Variants in AK9 observed in about 807,000 individuals in gnomAD.
AK9 encodes the protein adenylate kinase domain containing 1.
Under a neutral mutation model 239.6 loss-of-function variants are expected in AK9, and 191 were observed. The ratio of observed to expected loss-of-function variants is 0.80; its 90% CI spans 0.71 to 0.90. AK9 has a LOEUF of 0.90. Ranked by LOEUF, AK9 falls within the 40% of genes least tolerant of loss-of-function variation. The pLI, the probability that AK9 is intolerant of heterozygous loss-of-function variation, is 0.00. For synonymous variants in AK9, 689 were observed against 721.0 expected, an observed-to-expected ratio of 0.96 and a Z score of 0.71; for missense variants, 1,995 against 2,214.7, an observed-to-expected ratio of 0.90 and a Z score of 1.99.
At chr6:109,499,569 T>C (rs1402811275) in intron 35 of AK9, among the ~76,000 whole-genome samples, 1 of 152,192 alleles carries the variant, frequency 6.6e-6, no homozygotes, top group East Asian at 1.9e-4. Context: ...GTTATGGTCT[T>C]TGACCTCTTT....
At chr6:109,612,199 C>A in intron 15 of AK9, 106 bp from the exon 16 acceptor site, 3 of 638,208 alleles carry the variant, frequency 4.7e-6, no homozygotes, top group South Asian at 2.3e-5. Flanking sequence ...ACTCACATTC[C>A]CAATTTTTAA....
At chr6:109,648,689 T>C (rs1205042190) in intron 8 of AK9, among the ~76,000 whole-genome samples, 1 of 152,238 alleles carries the variant, frequency 6.6e-6, no homozygotes, top group Non-Finnish European at 1.5e-5. Flanking sequence ...CCATTCCTTC[T>C]GAAACTATTC....
At chr6:109,522,886 T>C (rs1269317935) in intron 29 of AK9, among the ~76,000 whole-genome samples, 3 of 152,160 alleles carry the variant, frequency 2.0e-5, no homozygotes, top group Non-Finnish European at 4.4e-5. Context: ...GATGAGAAGA[T>C]GCAGGAAGCC....
chr6:109,534,029 C>T (rs1465292064), intron 27 of AK9, among the ~76,000 whole-genome samples: 1 of 151,962 alleles, frequency 6.6e-6, no homozygotes, highest in East Asian at 1.9e-4. Flanking sequence ...TTTCATGAGA[C>T]AACTCATACC....
At chr6:109,642,701 A>G (rs1471958140) in intron 9 of AK9, among the ~76,000 whole-genome samples, 1 of 151,746 alleles carries the variant, frequency 6.6e-6, no homozygotes, top group African/African-American at 2.4e-5. Flanking sequence ...GGGATGTGAG[A>G]AAAAAAAAGT....
At chr6:109,640,491 C>T (rs759306239) in intron 10 of AK9, among the ~76,000 whole-genome samples, 14 of 152,252 alleles carry the variant, frequency 9.2e-5, no homozygotes, top group Non-Finnish European at 1.8e-4. Flanking sequence ...GTTGGAAATG[C>T]AGAAATCACC....
At position 109,585,941 on chromosome 6, in the gene AK9, G is replaced by T; in HGVS notation, c.1974C>A (p.Ile658=). ...CATTGTTTTCTGTATCTGATAAATA[G>T]ATGACCAAATCAGGTATAATTCCTT... The part of the protein sequence containing the change: ...IKKGIIPDLV[I]YLSDTENNGK... The change falls in exon 18 of 41, where the codon ATC becomes ATA. Residue 658 remains isoleucine, a synonymous_variant. Transcript: ENST00000424296. The T allele has an allele frequency of 6.5e-7, 1 of 1,546,520 alleles. No homozygotes were observed. The highest frequency in any genetic ancestry group is 8.7e-7 in the Non-Finnish European group (1 of 1,145,014).
chr6:109,494,198 G>T, intron 39 of AK9, 103 bp from the exon 40 acceptor site: 1 of 733,378 alleles, frequency 1.4e-6, no homozygotes, highest in Non-Finnish European at 2.3e-6. Flanking sequence ...GCCTCAAATA[G>T]CCCCCTGGAG....
rs865925851 is a variant in AK9, at chr6:109,547,865, A to C, written c.2965-1738T>G. Among the ~76,000 whole-genome samples the C allele has an allele frequency of 3.9e-4, 57 of 147,404 alleles. 1 individual carries two copies. The highest frequency in any genetic ancestry group is 6.9e-4 in the Non-Finnish European group (46 of 66,788). On this transcript the variant is annotated intron_variant, in intron 25 of 40. Transcript: ENST00000424296. ...CAGTAGCAAAAAAAAAAAAAAAAAAACCCAAATATTCTGATTTAACAATGG... is the reference window on the plus strand; with the variant it reads ...CAGTAGCAAAAAAAAAAAAAAAAAACCCCAAATATTCTGATTTAACAATGG...
chr6:109,602,968 T>C (rs1030060751), intron 17 of AK9, among the ~76,000 whole-genome samples: 1 of 152,212 alleles, frequency 6.6e-6, no homozygotes, highest in Non-Finnish European at 1.5e-5. Context: ...TAGTTAGCCA[T>C]TCGTCTAATC....
intron 1 of AK9, among the ~76,000 whole-genome samples, chr6:109,681,651 C>T (rs548172029): frequency 9.1e-4 from 139 of 152,298 alleles, no homozygotes; most frequent in African/African-American, 3.2e-3. Flanking sequence ...ACATTCTTCT[C>T]AGCACCTCAC....
At chr6:109,494,976 G>A (rs141441249) in intron 39 of AK9, among the ~76,000 whole-genome samples, 178 of 152,310 alleles carry the variant, frequency 1.2e-3, no homozygotes, top group African/African-American at 4.1e-3. Context: ...CTTTTGGGTA[G>A]TCAGTGAATG....
chr6:109,637,499 G>A (rs1796868936), intron 10 of AK9, among the ~76,000 whole-genome samples: 2 of 151,980 alleles, frequency 1.3e-5, no homozygotes, highest in African/African-American at 4.8e-5. Flanking sequence ...CACCATGCCC[G>A]GCTTCTACTG....
chr6:109,686,261 A>G (rs892868191), intron 1 of AK9, among the ~76,000 whole-genome samples: 2 of 152,350 alleles, frequency 1.3e-5, no homozygotes, highest in African/African-American at 4.8e-5. Flanking sequence ...ATGAGCAGTA[A>G]GTATAAAGTG....
chr6:109,579,441 G>T (rs1788536509), intron 20 of AK9, 109 bp downstream of exon 20: 1 of 1,068,498 alleles, frequency 9.4e-7, no homozygotes, highest in African/African-American at 1.6e-5. Flanking sequence ...GGGCTCTCAT[G>T]GACAAATTGG....
At chr6:109,675,065 C>T (rs1290573662) in intron 2 of AK9, among the ~76,000 whole-genome samples, 2 of 152,182 alleles carry the variant, frequency 1.3e-5, no homozygotes, top group East Asian at 3.8e-4. Flanking sequence ...GTAGGTAAAG[C>T]CTGAGGCATG....
chr6:109,659,147 C>T (rs1036563546), intron 7 of AK9, 81 bp downstream of exon 7: 3 of 1,393,212 alleles, frequency 2.2e-6, no homozygotes, highest in South Asian at 1.7e-5. Flanking sequence ...CTACTATTTC[C>T]TATTACCTAT....
chr6:109,664,298 G>A (rs1041195470), intron 5 of AK9, among the ~76,000 whole-genome samples: 14 of 152,128 alleles, frequency 9.2e-5, no homozygotes, highest in African/African-American at 1.4e-4. Flanking sequence ...TTAATGCAAT[G>A]CCTAGAATAG....
chr6:109,548,442 T>A (rs1783887906), intron 25 of AK9, among the ~76,000 whole-genome samples: 1 of 152,286 alleles, frequency 6.6e-6, no homozygotes, highest in Admixed American at 6.5e-5. Flanking sequence ...TGATGCTTTA[T>A]GAAAGTTTCG....
Sources: gnomAD v4.1 joint callset for allele counts (sites outside exome capture counted in the v4.1 genomes callset) on GRCh38, gnomAD v4.1.1 for gene constraint, MANE v1.5 for transcripts, NCBI Gene and HGNC (gene_info 2026-07-23, HGNC 2026-07-21) for gene names.